PTPRM: variants seen among roughly 807,000 people sequenced by gnomAD.
PTPRM encodes the protein protein tyrosine phosphatase receptor type M, also known as receptor-type tyrosine-protein phosphatase mu.
In PTPRM, 47 loss-of-function variants were observed where a neutral mutation model predicts 186.7. The ratio of observed to expected loss-of-function variants is 0.25; its 90% confidence interval spans 0.20 to 0.32. The LOEUF (loss-of-function observed/expected upper bound fraction) is 0.32, where lower values mean the gene tolerates loss of function less well. Ranked by LOEUF, PTPRM falls within the 10% of genes least tolerant of loss-of-function variation. The pLI, the probability that PTPRM is intolerant of heterozygous loss-of-function variation, is 1.00. For missense variants in PTPRM, 1,494 were observed against 1,865.0 expected, an observed-to-expected ratio of 0.80 and a Z score of 3.66; for synonymous variants, 668 against 674.9, an observed-to-expected ratio of 0.99 and a Z score of 0.16.
intron 5 of PTPRM, among the ~76,000 whole-genome samples, chr18:7,937,848 C>T (rs948530838): frequency 7.9e-5 from 12 of 152,162 alleles, no homozygotes; most frequent in East Asian, 7.7e-4. Context: ...CAGTCCATTG[C>T]GCTTAATATC....
At chr18:8,218,995 T>C (rs369140241) in intron 14 of PTPRM, among the ~76,000 whole-genome samples, 162 of 152,304 alleles carry the variant, frequency 1.1e-3, no homozygotes, top group African/African-American at 3.8e-3. Context: ...TGGAGCTCTC[T>C]GCATCATGCA....
chr18:7,658,976 C>T (rs1030117023), intron 1 of PTPRM, among the ~76,000 whole-genome samples: 2 of 152,162 alleles, frequency 1.3e-5, no homozygotes, highest in African/African-American at 4.8e-5. Flanking sequence ...CCTTTCTGTG[C>T]ATCTGCCTGA....
chr18:7,866,342 C>G (rs1473837517), intron 2 of PTPRM, among the ~76,000 whole-genome samples: 19 of 149,156 alleles, frequency 1.3e-4, no homozygotes, highest in Admixed American at 1.2e-3. Flanking sequence ...AAATTTCCCT[C>G]TAAACACTGC....
chr18:8,233,072 G>A (rs2094306369), intron 14 of PTPRM, among the ~76,000 whole-genome samples: 1 of 152,206 alleles, frequency 6.6e-6, no homozygotes, highest in South Asian at 2.1e-4. Flanking sequence ...TTTGGCGACA[G>A]GAGCAGTTTG....
At chr18:8,135,000 G>A (rs1460185472) in intron 13 of PTPRM, among the ~76,000 whole-genome samples, 1 of 151,936 alleles carries the variant, frequency 6.6e-6, no homozygotes, top group African/African-American at 2.4e-5. Context: ...TTTGTAAACT[G>A]GTATTAATTA....
chr18:7,902,552 G>A (rs533627037), intron 3 of PTPRM, among the ~76,000 whole-genome samples: 4 of 152,268 alleles, frequency 2.6e-5, no homozygotes, highest in South Asian at 2.1e-4. Flanking sequence ...ATTGCTATGA[G>A]CTGTGTTTAT....
At chr18:7,830,459 C>G (rs556096487) in intron 2 of PTPRM, among the ~76,000 whole-genome samples, 2 of 152,298 alleles carry the variant, frequency 1.3e-5, no homozygotes, top group South Asian at 2.1e-4. Context: ...TGTACTTGCA[C>G]AAACCTAAAT....
chr18:7,989,442 A>T (rs2083142704), intron 7 of PTPRM, among the ~76,000 whole-genome samples: 1 of 152,190 alleles, frequency 6.6e-6, no homozygotes, highest in African/African-American at 2.4e-5. Context: ...ATTAAGATTT[A>T]GCCATGCCTC....
At chr18:8,348,980 T>A (rs940884594) in intron 23 of PTPRM, among the ~76,000 whole-genome samples, 1 of 152,130 alleles carries the variant, frequency 6.6e-6, no homozygotes, top group African/African-American at 2.4e-5. Context: ...CCTACATGGA[T>A]TCTTGGATAT....
intron 1 of PTPRM, among the ~76,000 whole-genome samples, chr18:7,734,035 A>T (rs539355335): frequency 6.6e-6 from 1 of 152,298 alleles, no homozygotes; most frequent in African/African-American, 2.4e-5. Context: ...CACACTAAAC[A>T]TTTCACACTT....
At chr18:8,216,557 A>C (rs1302157380) in intron 14 of PTPRM, among the ~76,000 whole-genome samples, 1 of 152,098 alleles carries the variant, frequency 6.6e-6, no homozygotes, top group Non-Finnish European at 1.5e-5. Context: ...GTGGTAATAC[A>C]CCTGTTTTAA....
chr18:8,354,233 G>A (rs1305300669), intron 23 of PTPRM, among the ~76,000 whole-genome samples: 1 of 129,030 alleles, frequency 7.8e-6, no homozygotes, highest in Admixed American at 7.7e-5. Flanking sequence ...AAAGTATAAT[G>A]CAAAGTGATA....
At chr18:8,082,430 G>T (rs1270612882) in intron 9 of PTPRM, among the ~76,000 whole-genome samples, 5 of 151,794 alleles carry the variant, frequency 3.3e-5, no homozygotes, top group Middle Eastern at 6.3e-3. Flanking sequence ...GGACATGGAT[G>T]GGTACTTTTT....
intron 11 of PTPRM, among the ~76,000 whole-genome samples, chr18:8,101,477 T>C (rs865844352): frequency 9.2e-5 from 14 of 152,230 alleles, no homozygotes; most frequent in African/African-American, 3.1e-4. Context: ...AGTTATGTTC[T>C]TCTTAGCAGC....
In PTPRM at chr18:8,016,531, A is replaced by C. The variant is rs1449235307; in HGVS notation, c.1133-53155A>C. Among the ~76,000 whole-genome samples the C allele has an allele frequency of 4.8e-5, 5 of 104,386 alleles. No individual in the cohort carries two copies. The East Asian group carries it at 1.2e-3, about 25-fold the overall frequency. 68.5% of individuals were successfully genotyped at this position (104,386 alleles called of 152,430 possible). On this transcript the variant is annotated intron_variant, in intron 7 of 32. Transcript: ENST00000580170. ...TTGGGTGACAGAGCAAGAGTCTGTCAAAAAAAAAAAAAAAAGAAAAAAAAG... is the reference window on the plus strand; with the variant it reads ...TTGGGTGACAGAGCAAGAGTCTGTCCAAAAAAAAAAAAAAAGAAAAAAAAG...
intron 14 of PTPRM, among the ~76,000 whole-genome samples, chr18:8,191,807 C>T (rs1031598185): frequency 1.3e-5 from 2 of 151,900 alleles, no homozygotes; most frequent in Admixed American, 6.6e-5. Context: ...TTTTCATATC[C>T]CAGAAATAAA....
At chr18:7,657,217 G>A (rs1247822748) in intron 1 of PTPRM, among the ~76,000 whole-genome samples, 1 of 152,182 alleles carries the variant, frequency 6.6e-6, no homozygotes, top group Non-Finnish European at 1.5e-5. Flanking sequence ...GACGCTCTGT[G>A]TGCTGCTATT....
chr18:7,571,258 C>G lies in PTPRM; in HGVS notation c.73+3367C>G, dbSNP rs2143335378. Among the ~76,000 whole-genome samples the G allele has an allele frequency of 1.3e-5, 2 of 152,210 alleles. 1 individual carries two copies. Among genetic ancestry groups the G allele is most frequent in the South Asian group, 4.1e-4 (2 of 4,822 alleles). The stretch of plus-strand genomic sequence containing the variant: ...CCCAGGCTGAAAAATTGTTTTTTAT[C>G]ATTACCGTTTCTAATTTGTTAGGCA... On this transcript the variant is annotated intron_variant, in intron 1 of 32. Transcript: ENST00000580170.
intron 23 of PTPRM, among the ~76,000 whole-genome samples, chr18:8,359,161 A>T (rs1483799320): frequency 2.0e-5 from 3 of 152,254 alleles, no homozygotes; most frequent in Non-Finnish European, 4.4e-5. Context: ...CAGGCTTCAG[A>T]GACAATTCTT....
Sources: gnomAD v4.1 joint callset for allele counts (sites outside exome capture counted in the v4.1 genomes callset) on GRCh38, gnomAD v4.1.1 for gene constraint, MANE v1.5 for transcripts, NCBI Gene and HGNC (gene_info 2026-07-23, HGNC 2026-07-21) for gene names.